The following PTCD3 variants were observed in gnomAD, a reference collection of about 807,000 sequenced individuals.
PTCD3 encodes the protein pentatricopeptide repeat domain 3.
PTCD3 carries 89 observed loss-of-function variants against 101.9 expected under a neutral mutation model. The observed-to-expected ratio is 0.87, with a 90% CI of 0.74 to 1.04. The LOEUF (loss-of-function observed/expected upper bound fraction) is 1.04, where lower values mean the gene tolerates loss of function less well. Among genes scored for constraint, PTCD3 ranks in the 50% least tolerant of loss-of-function variants. The pLI is 0.00. For missense variants in PTCD3, 870 were observed against 828.2 expected (o/e 1.05, Z -0.62); for synonymous variants, 296 against 278.5 (o/e 1.06, Z -0.63).
In PTCD3 at chr2:86,131,091, G is replaced by C. The variant is rs146203968; in HGVS notation, c.1251G>C (p.Gln417His). 1.1e-5 allele frequency: 17 copies of C among 1,602,960 alleles called. No homozygotes were observed. The African/African-American group carries it at 2.0e-4, about 19-fold the overall frequency. The change falls in exon 16 of 24, where the codon CAG becomes CAC. Residue 417 changes from glutamine to histidine, a missense_variant. Transcript: ENST00000254630. The part of the protein sequence containing the change: ...PKDPDDDKFF[Q>H]SAMSICSSLR... ...TTTGATTTTCAGATAAGTTTTTTCA[G>C]TCAGCCATGAGCATAGTAAGTATCA...
intron 4 of PTCD3, among the ~76,000 whole-genome samples, chr2:86,115,296 C>G (rs545051017): frequency 5.9e-5 from 9 of 152,132 alleles, no homozygotes. Flanking sequence ...TGGTTATTGT[C>G]GTCTTACAAG....
intron 23 of PTCD3, 88 bp from the exon 24 acceptor site, chr2:86,137,381 G>C (rs1351150334): frequency 3.2e-6 from 5 of 1,539,326 alleles, no homozygotes; most frequent in African/African-American, 2.8e-5. Context: ...TTTCAAAACT[G>C]ACAGGCTATA....
At chr2:86,123,586 C>T (rs1158809878) in intron 8 of PTCD3, 115 bp from the exon 9 acceptor site, 1 of 736,252 alleles carries the variant, frequency 1.4e-6, no homozygotes, top group Non-Finnish European at 2.2e-6. Context: ...TCTGCTGGAT[C>T]TATGTTTCCT....
chr2:86,137,489 C>T lies in PTCD3; in HGVS notation c.2000C>T (p.Thr667Ile). The change falls in exon 24 of 24, where the codon ACT (threonine) becomes ATT (isoleucine). Residue 667 changes from threonine to isoleucine, a missense_variant. Transcript: ENST00000254630. Reference sequence around the variant, plus strand: ...AACAGGGAAGCCCTAAGTAATCTAACTGCATTGACCAGTGACAGTGATACT... The same window carrying T: ...AACAGGGAAGCCCTAAGTAATCTAATTGCATTGACCAGTGACAGTGATACT... ...QEQKEALSNL[T>I]ALTSDSDTDS... The T allele has an allele frequency of 6.2e-7, 1 of 1,613,638 alleles. No homozygotes were observed. Among genetic ancestry groups the T allele is most frequent in the Non-Finnish European group, 8.5e-7 (1 of 1,179,890 alleles).
chr2:86,132,830 T>A lies in PTCD3; in HGVS notation c.1374-348T>A, dbSNP rs76795634. 1,032 of 326,994 alleles carry A rather than the reference T, an allele frequency of 3.2e-3. 10 individuals carry two copies. The highest frequency in any genetic ancestry group is 0.021 in the African/African-American group (966 of 46,808). The allele number at this position is 326,994 out of a possible 1,614,324, so 20.3% of individuals were successfully genotyped here. On this transcript the variant is annotated intron_variant, in intron 17 of 23. Transcript: ENST00000254630. ...CTTTTAGGCAGATAAGAACATGAAT[T>A]TAAGAAGGCAGCATGTTAACAGATG... is the stretch of plus-strand genomic sequence containing the variant.
chr2:86,107,489 A>C (rs1485344413), intron 1 of PTCD3, among the ~76,000 whole-genome samples: 1 of 152,216 alleles, frequency 6.6e-6, no homozygotes, highest in East Asian at 1.9e-4. Context: ...TACTGATGCC[A>C]TTTAGTAAGG....
chr2:86,126,648 A>G (rs1674395673), intron 12 of PTCD3, among the ~76,000 whole-genome samples: 1 of 152,008 alleles, frequency 6.6e-6, no homozygotes, highest in Non-Finnish European at 1.5e-5. Context: ...CAGCCTGACT[A>G]ACATGGTGAA....
chr2:86,138,316 G>T lies in PTCD3; in HGVS notation c.*757G>T, dbSNP rs1674629572. 1 of 152,096 alleles carries T rather than the reference G, an allele frequency of 6.6e-6. No individual in the cohort carries two copies. The highest frequency in any genetic ancestry group is 2.4e-5 in the African/African-American group (1 of 41,408). 9.4% of individuals were successfully genotyped at this position (152,096 alleles called of 1,614,324 possible). The stretch of plus-strand genomic sequence containing the variant: ...TTCTTGACATCATTGTGTATTGCTG[G>T]TAATCAAGTTGGTAACGACTACTTC... On this transcript the variant is annotated 3_prime_UTR_variant, in exon 24 of 24. Transcript: ENST00000254630.
intron 4 of PTCD3, among the ~76,000 whole-genome samples, chr2:86,112,680 T>TC (rs1188873834): frequency 3.4e-4 from 10 of 29,196 alleles, no homozygotes; most frequent in African/African-American, 9.1e-4. Flanking sequence ...AGACTCTGTC[T>TC]CAAAAAAAAA....
At position 86,130,702 on chromosome 2, in the gene PTCD3, T is replaced by C. The variant is rs1312464094; in HGVS notation, c.1202T>C (p.Met401Thr). ...ATTTATGATATAATGAATGAATTAA[T>C]GGGAAAGAGATTTTCTCCAAAGGAC... Reference protein sequence around the residue: ...FIIYDIMNELMGKRFSPKDPD... With the variant: ...FIIYDIMNELTGKRFSPKDPD... The change falls in exon 15 of 24, where the codon ATG becomes ACG. Residue 401 changes from methionine to threonine, a missense_variant. Met to Thr is a moderately conservative substitution (Grantham distance 81, BLOSUM62 -1). Transcript: ENST00000254630. The C allele has an allele frequency of 1.2e-6, 2 of 1,613,818 alleles. No individual in the cohort carries two copies. The highest frequency in any genetic ancestry group is 1.7e-6 in the Non-Finnish European group (2 of 1,179,888).
intron 3 of PTCD3, among the ~76,000 whole-genome samples, chr2:86,109,249 C>CAA (rs1243698671): frequency 1.1e-4 from 17 of 151,994 alleles, no homozygotes; most frequent in Admixed American, 1.1e-3. Flanking sequence ...ACTAAAAATA[C>CAA]AAAAAAATTA....
chr2:86,110,757 A>G (rs545271469), intron 3 of PTCD3, among the ~76,000 whole-genome samples: 1 of 152,348 alleles, frequency 6.6e-6, no homozygotes, highest in South Asian at 2.1e-4. Context: ...AGAGCTACCA[A>G]TTAGGATAGT....
chr2:86,121,651 G>A, intron 8 of PTCD3, 57 bp downstream of exon 8: 2 of 1,161,336 alleles, frequency 1.7e-6, no homozygotes, highest in Non-Finnish European at 2.5e-6. Flanking sequence ...TGAAGAAATT[G>A]CTTTTAAAAA....
intron 8 of PTCD3, 114 bp from the exon 9 acceptor site, chr2:86,123,587 T>C: frequency 1.3e-6 from 1 of 744,316 alleles, no homozygotes; most frequent in South Asian, 2.2e-5. Flanking sequence ...CTGCTGGATC[T>C]ATGTTTCCTT....
chr2:86,133,026 G>A, intron 17 of PTCD3, 152 bp from the exon 18 acceptor site: 1 of 1,270,036 alleles, frequency 7.9e-7, no homozygotes, highest in Non-Finnish European at 1.1e-6. Context: ...CACACTGGCA[G>A]CTCTTAAACC....
rs554406703 is a variant in PTCD3 at position 86,111,233 on chromosome 2, A to T, written c.240+75A>T. On this transcript the variant is annotated intron_variant, in intron 4 of 23. Transcript: ENST00000254630. The stretch of plus-strand genomic sequence containing the variant: ...CACTTTTTAACTCGGCTAATAACAC[A>T]TTTAATACTCATACCTCGTCATTAC... 3 of 1,214,204 alleles carry T rather than the reference A, an allele frequency of 2.5e-6. No homozygotes were observed. In the African/African-American group the frequency reaches 4.5e-5, roughly 18 times the overall value. 75.2% of individuals were successfully genotyped at this position (1,214,204 alleles called of 1,614,324 possible). A position where few individuals can be genotyped will look rare whatever the true frequency, so the allele number is the denominator to read the frequency against.
chr2:86,111,010 T>G, intron 3 of PTCD3, 103 bp from the exon 4 acceptor site: 1 of 1,039,870 alleles, frequency 9.6e-7, no homozygotes, highest in South Asian at 1.3e-5. Flanking sequence ...TCAGATGAGA[T>G]CTGCACTATG....
At chr2:86,121,046 A>G (rs758797034) in intron 7 of PTCD3, among the ~76,000 whole-genome samples, 2 of 152,208 alleles carry the variant, frequency 1.3e-5, no homozygotes, top group Non-Finnish European at 2.9e-5. Flanking sequence ...TTCGACAATT[A>G]TGCTAGTATT....
chr2:86,129,913 T>A (rs1674465404), intron 14 of PTCD3, among the ~76,000 whole-genome samples: 1 of 129,368 alleles, frequency 7.7e-6, no homozygotes, highest in Non-Finnish European at 1.7e-5. Flanking sequence ...TCAGTTCATG[T>A]TATATTTAAG....
Sources: gnomAD v4.1 joint callset for allele counts (sites outside exome capture counted in the v4.1 genomes callset) on GRCh38, gnomAD v4.1.1 for gene constraint, MANE v1.5 for transcripts, NCBI Gene and HGNC (gene_info 2026-07-23, HGNC 2026-07-21) for gene names.